DYRK4: variants seen among roughly 807,000 people sequenced by gnomAD.
DYRK4 encodes dual specificity tyrosine phosphorylation regulated kinase 4.
Under a neutral mutation model 68.3 loss-of-function variants are expected in DYRK4, and 64 were observed. The observed-to-expected ratio is 0.94, with a 90% CI of 0.77 to 1.15. The LOEUF is 1.15. DYRK4 is among the 50% of genes most tolerant of loss of function. DYRK4 has a pLI of 0.00. For synonymous variants in DYRK4, 274 were observed against 289.9 expected (o/e 0.95, Z 0.56); for missense variants, 740 against 764.7 (o/e 0.97, Z 0.38).
At chr12:4,602,547 G>A in intron 10 of DYRK4, 1 of 1,209,690 alleles carries the variant, frequency 8.3e-7, no homozygotes, top group Non-Finnish European at 1.2e-6. Context: ...TAAGTGGAGG[G>A]ATATAAGCCA....
Position 4,613,194 on chromosome 12 carries a change from T to G in DYRK4, c.1667-321T>G, listed in dbSNP as rs1945247228. 6.6e-6 allele frequency among the ~76,000 whole-genome samples: 1 copy of G among 152,210 alleles called. No individual in the cohort carries two copies. Among genetic ancestry groups the G allele is most frequent in the Non-Finnish European group, 1.5e-5 (1 of 68,046 alleles). ...TATAGCCTAGTGGTTAGGTACATGGTCACAAGAGTCAGGTTACCTGGGGAT... is the reference window on the plus strand; with the variant it reads ...TATAGCCTAGTGGTTAGGTACATGGGCACAAGAGTCAGGTTACCTGGGGAT... On this transcript the variant is annotated intron_variant, in intron 14 of 14. Transcript: ENST00000543431. This position sits in a 1 kb window ranked among gnomAD's most constrained non-coding sequence, Gnocchi z 4.0.
In DYRK4 at chr12:4,607,183, G is replaced by A. The variant is rs1045079419; in HGVS notation, c.1300-144G>A. 16 of 828,826 alleles carry A rather than the reference G, an allele frequency of 1.9e-5. No homozygotes were observed. The African/African-American group carries it at 2.8e-4, about 14-fold the overall frequency. 51.3% of individuals were successfully genotyped at this position (828,826 alleles called of 1,614,324 possible). On this transcript the variant is annotated intron_variant, in intron 11 of 14. Coordinates refer to ENST00000543431, the MANE Select transcript of DYRK4 (RefSeq NM_001394779.1). ...GTTAAAAGGCCCAGGCTCTGGGTTT[G>A]CTCTGCTACTGACCAGATGTTATTA...
chr12:4,602,623 C>T, intron 10 of DYRK4: 1 of 1,349,440 alleles, frequency 7.4e-7, no homozygotes, highest in East Asian at 2.3e-5. Context: ...TTTCTTGATG[C>T]CACTGACACA....
intron 2 of DYRK4, chr12:4,580,863 C>T (rs566581148): frequency 3.7e-5 from 17 of 455,634 alleles, no homozygotes; most frequent in South Asian, 1.4e-4. Flanking sequence ...ACAGGAAAAT[C>T]GCCTGTGAAG....
intron 2 of DYRK4, among the ~76,000 whole-genome samples, chr12:4,578,979 A>G (rs1268425123): frequency 2.0e-5 from 3 of 152,210 alleles, no homozygotes; most frequent in Non-Finnish European, 1.5e-5. Context: ...GTCTAGTGTG[A>G]CATAAACTGC....
chr12:4,591,078 G>T lies in DYRK4; in HGVS notation c.325-82G>T, dbSNP rs755296451. 6 of 1,513,878 alleles carry T rather than the reference G, an allele frequency of 4.0e-6. No homozygotes were observed. The highest frequency in any genetic ancestry group is 5.3e-6 in the Non-Finnish European group (6 of 1,122,648). The allele number at this position is 1,513,878 out of a possible 1,614,324, so 93.8% of individuals were successfully genotyped here. On this transcript the variant is annotated intron_variant, in intron 4 of 14. Coordinates refer to ENST00000543431, the MANE Select transcript of DYRK4 (RefSeq NM_001394779.1). The surrounding 1 kb of genome is among the most constrained non-coding windows in gnomAD (Gnocchi z 4.1). Reference sequence around the variant, plus strand: ...AGGTAAAGAGCCTGGCTGAAGGTGGGTGTCTTTGGTTAAATAAATGGTTTA... The same window carrying T: ...AGGTAAAGAGCCTGGCTGAAGGTGGTTGTCTTTGGTTAAATAAATGGTTTA...
rs147671618 is a variant in DYRK4 at position 4,574,200 on chromosome 12, G to A, written c.132+6152G>A. Among the ~76,000 whole-genome samples the A allele has an allele frequency of 2.9e-3, 432 of 148,288 alleles. 1 individual carries two copies. The highest frequency in any genetic ancestry group is 0.01 in the African/African-American group (401 of 39,954). On this transcript the variant is annotated intron_variant, in intron 2 of 14. Coordinates refer to ENST00000543431, the MANE Select transcript of DYRK4 (RefSeq NM_001394779.1). ...AGATCGCGCCACTGCACCCTGGCCT[G>A]GGCGACAGAGCGAGACTCCATCTTA...
At chr12:4,574,086 G>A (rs1174060595) in intron 2 of DYRK4, among the ~76,000 whole-genome samples, 2 of 152,010 alleles carry the variant, frequency 1.3e-5, no homozygotes, top group East Asian at 1.9e-4. Flanking sequence ...TTAGCCGTGC[G>A]TGGTGGCGGG....
At chr12:4,606,443 A>T (rs1435696970) in intron 11 of DYRK4, among the ~76,000 whole-genome samples, 2 of 152,196 alleles carry the variant, frequency 1.3e-5, no homozygotes, top group Non-Finnish European at 2.9e-5. Context: ...TCATGATCGA[A>T]ACTAATAATA....
chr12:4,589,534 A>G (rs1174626854), intron 3 of DYRK4, among the ~76,000 whole-genome samples: 1 of 152,118 alleles, frequency 6.6e-6, no homozygotes, highest in Non-Finnish European at 1.5e-5. Flanking sequence ...CCTTAATTAA[A>G]TTGTTTGGAT....
chr12:4,599,968 T>A (rs955318734), intron 10 of DYRK4, among the ~76,000 whole-genome samples, 180 bp downstream of exon 10: 22 of 152,184 alleles, frequency 1.4e-4, no homozygotes, highest in African/African-American at 5.1e-4. Context: ...GAAAGTTGTA[T>A]CCAAATACTA....
intron 3 of DYRK4, 45 bp downstream of exon 3, chr12:4,589,062 A>C (rs1944926134): frequency 3.3e-6 from 5 of 1,522,608 alleles, no homozygotes; most frequent in Non-Finnish European, 3.5e-6. Context: ...GAGAATGAGG[A>C]GAGGTGGGTG....
intron 10 of DYRK4, chr12:4,602,053 C>A: frequency 2.6e-6 from 1 of 389,520 alleles, no homozygotes; most frequent in South Asian, 3.0e-5. Flanking sequence ...GGAAAGTTAT[C>A]TGCATGTTGC....
At chr12:4,594,847 A>C (rs1485545543) in intron 6 of DYRK4, among the ~76,000 whole-genome samples, 2 of 152,176 alleles carry the variant, frequency 1.3e-5, no homozygotes, top group Non-Finnish European at 2.9e-5. Context: ...CAAGCAAGCA[A>C]CATAGCTGCA....
In DYRK4 at chr12:4,596,131, C is replaced by T; in HGVS notation, c.628-18C>T. 6.2e-7 allele frequency: 1 copy of T among 1,613,110 alleles called. No individual in the cohort carries two copies. The highest frequency in any genetic ancestry group is 8.5e-7 in the Non-Finnish European group (1 of 1,179,336). On this transcript the variant is annotated intron_variant, in intron 6 of 14. Coordinates refer to ENST00000543431, the MANE Select transcript of DYRK4 (RefSeq NM_001394779.1). ...GAGCCCATGGCTTTGCTCTTCACCT[C>T]CGGCCTGGCTTCCACAGGTCCTGCA...
Position 4,596,130 on chromosome 12 carries a change from T to G in DYRK4, c.628-19T>G. Reference sequence around the variant, plus strand: ...GGAGCCCATGGCTTTGCTCTTCACCTCCGGCCTGGCTTCCACAGGTCCTGC... The same window carrying G: ...GGAGCCCATGGCTTTGCTCTTCACCGCCGGCCTGGCTTCCACAGGTCCTGC... On this transcript the variant is annotated intron_variant, in intron 6 of 14. Coordinates refer to ENST00000543431, the MANE Select transcript of DYRK4 (RefSeq NM_001394779.1). 6.2e-7 allele frequency: 1 copy of G among 1,613,070 alleles called. No homozygotes were observed. Among genetic ancestry groups the G allele is most frequent in the Non-Finnish European group, 8.5e-7 (1 of 1,179,312 alleles).
intron 10 of DYRK4, chr12:4,603,005 T>C: frequency 1.1e-6 from 1 of 921,504 alleles, no homozygotes; most frequent in South Asian, 1.6e-5. Context: ...TTCTTGATTC[T>C]ATAGAAGCTT....
chr12:4,612,565 A>T lies in DYRK4; in HGVS notation c.1513A>T (p.Thr505Ser). The change falls in exon 14 of 15, where the codon ACC (threonine) becomes TCC (serine). Residue 505 changes from threonine to serine, a missense_variant. By Grantham distance (58) the Thr-to-Ser change is moderately conservative. Around this residue, in one of 3 missense-constraint regions of DYRK4, gnomAD observed 614 missense variants for 603.7 expected, o/e 1.02. Transcript: ENST00000543431. ...CLVWEPSLRM[T>S]PDQALKHAWI... ...CAGATGGGAACCTTCTCTTCGCATG[A>T]CCCCGGACCAGGCCCTCAAGCATGC... is the stretch of plus-strand genomic sequence containing the variant. 7 of 1,614,138 alleles carry T rather than the reference A, an allele frequency of 4.3e-6. No homozygotes were observed. The highest frequency in any genetic ancestry group is 5.9e-6 in the Non-Finnish European group (7 of 1,180,010).
intron 14 of DYRK4, chr12:4,612,952 C>T (rs1011802059): frequency 2.3e-6 from 1 of 442,994 alleles, no homozygotes; most frequent in Non-Finnish European, 4.0e-6. Flanking sequence ...GACTAGCCTG[C>T]CATTTCTTAC....
Sources: allele counts gnomAD v4.1 joint callset (sites outside exome capture counted in the v4.1 genomes callset), GRCh38; gene constraint gnomAD v4.1.1; regional missense constraint gnomAD v4.1.1; non-coding constraint Gnocchi (gnomAD v3.1); transcripts MANE v1.5; gene names NCBI Gene and HGNC (gene_info 2026-07-23, HGNC 2026-07-21).